The following STRBP variants were observed in gnomAD, a reference collection of about 807,000 sequenced individuals.
STRBP encodes spermatid perinuclear RNA binding protein.
In STRBP, 13 loss-of-function variants were observed where a neutral mutation model predicts 80.1. The ratio of observed to expected loss-of-function variants is 0.16; its 90% CI spans 0.11 to 0.26. The LOEUF is 0.26. Among genes scored for constraint, STRBP ranks in the 10% least tolerant of loss-of-function variants. The pLI is 1.00. For missense variants in STRBP, 485 were observed against 815.2 expected (o/e 0.59, Z 4.93); for synonymous variants, 284 against 291.2 (o/e 0.98, Z 0.25).
intron 4 of STRBP, among the ~76,000 whole-genome samples, chr9:123,176,609 T>C (rs1412596722): frequency 6.6e-6 from 1 of 152,208 alleles, no homozygotes; most frequent in Non-Finnish European, 1.5e-5. Context: ...AGGAAAAGTA[T>C]GTGGTACAAT....
At chr9:123,240,340 C>T (rs144132353) in intron 1 of STRBP, among the ~76,000 whole-genome samples, 1 of 152,180 alleles carries the variant, frequency 6.6e-6, no homozygotes, top group African/African-American at 2.4e-5. Context: ...CCCACCACAC[C>T]GAAATCTAGA....
At chr9:123,109,690 G>A (rs1191752730) in exon 4 of STRBP, 1 of 152,232 alleles carries the variant, frequency 6.6e-6, no homozygotes, top group Non-Finnish European at 1.5e-5. Flanking sequence ...TTGGATGAAG[G>A]CCAGGTATCT....
chr9:123,111,859 TC>T (rs2035572870), intron 3 of STRBP: 2 of 237,354 alleles, frequency 8.4e-6, no homozygotes, highest in Non-Finnish European at 1.8e-5. Context: ...GGCAGCAAAA[TC>T]CGAGAGGCAC....
chr9:123,214,145 TACACACACACACACACACACACAC>T (rs138090782), intron 2 of STRBP, among the ~76,000 whole-genome samples: 1 of 141,446 alleles, frequency 7.1e-6, no homozygotes, highest in African/African-American at 2.6e-5. Flanking sequence ...TATATATGTA[TACACACACACACACACACACACAC>T]ACACACACAC....
chr9:123,163,737 T>C (rs1436297816), intron 6 of STRBP, among the ~76,000 whole-genome samples: 1 of 152,206 alleles, frequency 6.6e-6, no homozygotes, highest in Admixed American at 6.5e-5. Flanking sequence ...TTCATTCCTT[T>C]GAAAAAACTT....
chr9:123,267,693 T>C (rs1430876359), intron 1 of STRBP, among the ~76,000 whole-genome samples: 42 of 97,916 alleles, frequency 4.3e-4, no homozygotes, highest in Admixed American at 2.0e-3. Flanking sequence ...CCCTCCTCCA[T>C]CGTTCCCCTT....
At chr9:123,146,624 T>C (rs967001306) in intron 13 of STRBP, among the ~76,000 whole-genome samples, 18 of 150,506 alleles carry the variant, frequency 1.2e-4, no homozygotes, top group African/African-American at 3.9e-4. Flanking sequence ...AAATGTTCAA[T>C]TGACATATTT....
chr9:123,171,793 C>T (rs532960169), intron 5 of STRBP, among the ~76,000 whole-genome samples: 22 of 152,168 alleles, frequency 1.4e-4, no homozygotes, highest in Non-Finnish European at 2.8e-4. Flanking sequence ...GACAGCATTT[C>T]GAAGACCTAA....
intron 4 of STRBP, among the ~76,000 whole-genome samples, chr9:123,178,541 T>C (rs1413614391): frequency 6.6e-6 from 1 of 152,202 alleles, no homozygotes; most frequent in Non-Finnish European, 1.5e-5. Context: ...CACTGCTAAA[T>C]TCCTGGGAAT....
At chr9:123,155,605 T>C (rs1260688370) in intron 11 of STRBP, among the ~76,000 whole-genome samples, 2 of 151,694 alleles carry the variant, frequency 1.3e-5, no homozygotes, top group African/African-American at 4.8e-5. Context: ...AATGACAAGA[T>C]TCAAGAGCTG....
Position 123,160,486 on chromosome 9 carries a change from G to C in STRBP, c.628-24C>G, listed in dbSNP as rs373004387. 349 of 1,564,018 alleles carry C rather than the reference G, an allele frequency of 2.2e-4. 1 individual carries two copies. Among genetic ancestry groups the C allele is most frequent in the Middle Eastern group, 2.2e-3 (13 of 5,904 alleles). On this transcript the variant is annotated intron_variant, in intron 7 of 18. Transcript: ENST00000348403. Reference sequence around the variant, plus strand: ...GCCTAAAACAAACAAAATGATTCCAGATATCCCTATTGAGATCTATTCTTC... The same window carrying C: ...GCCTAAAACAAACAAAATGATTCCACATATCCCTATTGAGATCTATTCTTC...
chr9:123,228,094 AGGAGTG>A (rs1355327674), intron 2 of STRBP, among the ~76,000 whole-genome samples: 1 of 152,202 alleles, frequency 6.6e-6, no homozygotes, highest in Non-Finnish European at 1.5e-5. Flanking sequence ...ATGTGAGAAA[AGGAGTG>A]TAGGTTAACT....
intron 6 of STRBP, 62 bp downstream of exon 6, chr9:123,169,840 A>G (rs940423302): frequency 2.9e-5 from 30 of 1,022,852 alleles, no homozygotes; most frequent in Non-Finnish European, 3.7e-5. Context: ...TAGCTTTTAT[A>G]TGAAGAAAAC....
intron 1 of STRBP, among the ~76,000 whole-genome samples, chr9:123,243,221 G>A (rs375271801): frequency 1.5e-5 from 2 of 134,680 alleles, no homozygotes; most frequent in South Asian, 4.5e-4. Flanking sequence ...AAGAAGGATA[G>A]CCCTTTCAAC....
intron 17 of STRBP, among the ~76,000 whole-genome samples, chr9:123,129,295 T>C (rs577207182): frequency 4.4e-4 from 67 of 152,206 alleles, no homozygotes; most frequent in African/African-American, 1.2e-3. Flanking sequence ...AGGTCGAGGC[T>C]GCAGTGAGCC....
chr9:123,239,278 G>A (rs1439346366), intron 1 of STRBP, among the ~76,000 whole-genome samples: 1 of 152,182 alleles, frequency 6.6e-6, no homozygotes, highest in East Asian at 1.9e-4. Context: ...AGGAGGCTGA[G>A]GCGGGAGAAT....
chr9:123,240,206 C>A (rs2040662614), intron 1 of STRBP, among the ~76,000 whole-genome samples: 3 of 152,156 alleles, frequency 2.0e-5, no homozygotes, highest in African/African-American at 4.8e-5. Flanking sequence ...ATTTAACATT[C>A]CTTTTTTCTC....
intron 11 of STRBP, among the ~76,000 whole-genome samples, chr9:123,155,381 C>T (rs536652965): frequency 2.0e-5 from 3 of 152,208 alleles, no homozygotes; most frequent in East Asian, 1.9e-4. Context: ...ACAGTCAAGA[C>T]GGCTGTTCTC....
intron 17 of STRBP, 62 bp downstream of exon 17, chr9:123,132,783 G>A (rs193032404): frequency 1.3e-6 from 2 of 1,594,942 alleles, no homozygotes; most frequent in African/African-American, 1.3e-5. Context: ...AAATGCAGGA[G>A]ATGCTATTCT....
Sources: allele counts gnomAD v4.1 joint callset (sites outside exome capture counted in the v4.1 genomes callset), GRCh38; gene constraint gnomAD v4.1.1; transcripts MANE v1.5; gene names NCBI Gene and HGNC (gene_info 2026-07-23, HGNC 2026-07-21).